The following DENND1B variants were observed in gnomAD, a reference collection of about 807,000 sequenced individuals.
DENND1B encodes DENN domain-containing protein 1B.
DENND1B carries 59 observed loss-of-function variants against 90.1 expected under a neutral mutation model. The ratio of observed to expected loss-of-function variants is 0.65; its 90% CI spans 0.53 to 0.81. The LOEUF (loss-of-function observed/expected upper bound fraction) is 0.81, where lower values mean the gene tolerates loss of function less well. Ranked by LOEUF, DENND1B falls within the 40% of genes least tolerant of loss-of-function variation. The pLI is 0.00. For missense variants in DENND1B, 862 were observed against 912.6 expected (o/e 0.94, Z 0.71); for synonymous variants, 337 against 324.6 (o/e 1.04, Z -0.41).
intron 6 of DENND1B, among the ~76,000 whole-genome samples, 165 bp downstream of exon 6, chr1:197,658,135 A>G (rs1012709598): frequency 6.6e-6 from 1 of 152,158 alleles, no homozygotes; most frequent in Admixed American, 6.5e-5. Context: ...GGATACAGAC[A>G]GAGTTTTAGA....
At position 197,509,716 on chromosome 1, in the gene DENND1B, G is replaced by C. The variant is rs905957165; in HGVS notation, c.*744C>G. ...AATAGCAAAGGCATACAGAGAGACTGAAAACTCGTTAGAGTGTCTCATTTG... is the reference window on the plus strand; with the variant it reads ...AATAGCAAAGGCATACAGAGAGACTCAAAACTCGTTAGAGTGTCTCATTTG... On this transcript the variant is annotated 3_prime_UTR_variant, in exon 23 of 23. Coordinates refer to ENST00000620048, the MANE Select transcript of DENND1B (RefSeq NM_001195215.2). 6.6e-6 allele frequency: 1 copy of C among 150,902 alleles called. No individual in the cohort carries two copies. Among genetic ancestry groups the C allele is most frequent in the Non-Finnish European group, 1.5e-5 (1 of 67,608 alleles). The allele number at this position is 150,902 out of a possible 1,614,324, so 9.3% of individuals were successfully genotyped here. A position where few individuals can be genotyped will look rare whatever the true frequency, so the allele number is the denominator to read the frequency against.
At chr1:197,684,657 C>CA (rs903532911) in intron 3 of DENND1B, among the ~76,000 whole-genome samples, 62 of 151,808 alleles carry the variant, frequency 4.1e-4, no homozygotes, top group Admixed American at 3.7e-3. Flanking sequence ...ACCGTGAGGC[C>CA]AAAAAAAGAT....
chr1:197,647,507 C>A (rs1423959936), intron 7 of DENND1B, among the ~76,000 whole-genome samples: 1 of 152,146 alleles, frequency 6.6e-6, no homozygotes, highest in East Asian at 1.9e-4. Flanking sequence ...CCTCTAGTAG[C>A]TGAAGATAAG....
chr1:197,774,884 G>C (rs377393789), intron 1 of DENND1B, among the ~76,000 whole-genome samples: 1,676 of 152,152 alleles, frequency 0.011, 36 homozygotes, highest in African/African-American at 0.038. Context: ...GCGTCGACAA[G>C]GCGCTAGTGG....
intron 15 of DENND1B, among the ~76,000 whole-genome samples, chr1:197,573,302 C>T (rs868355270): frequency 1.3e-5 from 2 of 152,008 alleles, no homozygotes; most frequent in Non-Finnish European, 2.9e-5. Flanking sequence ...CCTCTACACA[C>T]TGCTTTGAAT....
At chr1:197,758,801 T>A (rs1654630482) in intron 2 of DENND1B, among the ~76,000 whole-genome samples, 1 of 152,068 alleles carries the variant, frequency 6.6e-6, no homozygotes, top group Admixed American at 6.6e-5. Flanking sequence ...TTATTCACAG[T>A]CCATTAAAGC....
intron 12 of DENND1B, among the ~76,000 whole-genome samples, chr1:197,609,601 G>A (rs1381235287): frequency 6.7e-6 from 1 of 150,352 alleles, no homozygotes; most frequent in East Asian, 2.0e-4. Flanking sequence ...TAAAACAACT[G>A]AAAGAAAGAT....
At chr1:197,536,595 A>G (rs1669923489) in intron 20 of DENND1B, among the ~76,000 whole-genome samples, 2 of 152,142 alleles carry the variant, frequency 1.3e-5, no homozygotes, top group Non-Finnish European at 1.5e-5. Context: ...CAATTGCTAG[A>G]GGGCCCAAAA....
chr1:197,655,823 C>T (rs992788991), intron 6 of DENND1B, among the ~76,000 whole-genome samples: 5 of 152,258 alleles, frequency 3.3e-5, no homozygotes, highest in African/African-American at 4.8e-5. Context: ...TGAGCCACCG[C>T]GCCCGGCCCA....
chr1:197,639,189 G>A (rs190557030), intron 10 of DENND1B, among the ~76,000 whole-genome samples: 49 of 151,422 alleles, frequency 3.2e-4, no homozygotes, highest in Non-Finnish European at 3.1e-4. Flanking sequence ...TCAGCCTCCC[G>A]AGTAGCTGGG....
rs933207547 is a variant in DENND1B at position 197,735,855 on chromosome 1, C to T, written c.83-20781G>A. 3.1e-6 allele frequency: 5 copies of T among 1,596,942 alleles called. No homozygotes were observed. In the Admixed American group the frequency reaches 5.0e-5, roughly 16 times the overall value. On this transcript the variant is annotated intron_variant, in intron 2 of 22. Coordinates refer to ENST00000620048, the MANE Select transcript of DENND1B (RefSeq NM_001195215.2). ...AGAAATTCAAAAGAAAAGAACTTGC[C>T]GAGCAGTCAAATTGCAGGGGGCTAT... is the stretch of plus-strand genomic sequence containing the variant.
upstream of DENND1B, chr1:197,775,822 C>T (rs533380265): frequency 1.3e-5 from 2 of 152,442 alleles, no homozygotes; most frequent in African/African-American, 4.8e-5. Flanking sequence ...TTTCCACACA[C>T]ATACACACGG....
In DENND1B at chr1:197,553,174, T is replaced by A. The variant is rs537046771; in HGVS notation, c.1150-62A>T. The A allele has an allele frequency of 2.2e-5, 30 of 1,339,738 alleles. 1 individual carries two copies. In the South Asian group the frequency reaches 4.2e-4, roughly 19 times the overall value. 83.0% of individuals were successfully genotyped at this position (1,339,738 alleles called of 1,614,324 possible). The stretch of plus-strand genomic sequence containing the variant: ...AAAATGTTATCCAATAAAATGTTAA[T>A]TTTTCATTTTATAAGGTTAGATTTT... On this transcript the variant is annotated intron_variant, in intron 15 of 22. Coordinates refer to ENST00000620048, the MANE Select transcript of DENND1B (RefSeq NM_001195215.2).
rs182503996 is a variant in DENND1B, at chr1:197,705,523, C to A, written c.126+9508G>T. The stretch of plus-strand genomic sequence containing the variant: ...CAGAAACAGAACAACAATTAAGCCC[C>A]AAATGAAAAAAATCCAAGCTGGACC... On this transcript the variant is annotated intron_variant, in intron 3 of 22. Coordinates refer to ENST00000620048, the MANE Select transcript of DENND1B (RefSeq NM_001195215.2). 8.5e-3 allele frequency among the ~76,000 whole-genome samples: 1,280 copies of A among 151,472 alleles called. 21 individuals carry two copies. Among genetic ancestry groups the A allele is most frequent in the African/African-American group, 0.028 (1,176 of 41,292 alleles).
chr1:197,614,746 T>A (rs182867821), intron 11 of DENND1B, among the ~76,000 whole-genome samples: 2 of 151,136 alleles, frequency 1.3e-5, no homozygotes, highest in African/African-American at 4.8e-5. Context: ...TTTTCCATTT[T>A]TTTAAAGAAA....
intron 2 of DENND1B, among the ~76,000 whole-genome samples, chr1:197,743,229 CAGATATACCTTG>C (rs1220941871): frequency 2.0e-5 from 3 of 152,176 alleles, no homozygotes; most frequent in African/African-American, 7.2e-5. Flanking sequence ...GACAGAAATA[CAGATATACCTTG>C]AAGATATTGC....
At chr1:197,730,101 A>G (rs998405643) in intron 2 of DENND1B, among the ~76,000 whole-genome samples, 4 of 152,172 alleles carry the variant, frequency 2.6e-5, no homozygotes, top group Non-Finnish European at 4.4e-5. Flanking sequence ...ACAGATTAAA[A>G]TAATGTTTTT....
intron 12 of DENND1B, among the ~76,000 whole-genome samples, chr1:197,608,396 A>T (rs1234038774): frequency 6.6e-6 from 1 of 150,694 alleles, no homozygotes; most frequent in Non-Finnish European, 1.5e-5. Flanking sequence ...GCAGCGAATC[A>T]CTTATAGTGA....
intron 13 of DENND1B, among the ~76,000 whole-genome samples, chr1:197,603,315 T>C (rs977607188): frequency 6.6e-6 from 1 of 151,346 alleles, no homozygotes; most frequent in South Asian, 2.1e-4. Context: ...TTACATTGTA[T>C]ATCACATTTA....
Sources: allele counts gnomAD v4.1 joint callset (sites outside exome capture counted in the v4.1 genomes callset), GRCh38; gene constraint gnomAD v4.1.1; transcripts MANE v1.5; gene names NCBI Gene and HGNC (gene_info 2026-07-23, HGNC 2026-07-21).